Variants in STARD6 observed in about 807,000 individuals in gnomAD.
The protein encoded by STARD6 is StAR related lipid transfer domain containing 6.
In STARD6, 21 loss-of-function variants were observed where a neutral mutation model predicts 22.3. The ratio of observed to expected loss-of-function variants is 0.94; its 90% confidence interval spans 0.67 to 1.35. The LOEUF is 1.35. STARD6 is among the 40% of genes most tolerant of loss of function. STARD6 has a pLI of 0.00. For synonymous variants in STARD6, 80 were observed against 88.1 expected (o/e 0.91, Z 0.52); for missense variants, 269 against 266.9 (o/e 1.01, Z -0.05).
Position 54,326,629 on chromosome 18 carries a change from G to C in STARD6, c.480-1754C>G, listed in dbSNP as rs868692798. Among the ~76,000 whole-genome samples, 7 of 151,244 alleles carry C rather than the reference G, an allele frequency of 4.6e-5. No individual in the cohort carries two copies. In the East Asian group the frequency reaches 1.4e-3, roughly 29 times the overall value. On this transcript the variant is annotated intron_variant, in intron 7 of 7. Transcript: ENST00000307844. The stretch of plus-strand genomic sequence containing the variant: ...TTACAGGTGTGAGCCACTGTGCTTG[G>C]CCAGGTCTTTTTTTAATGATAAACA...
At chr18:54,351,106 T>C (rs551325646) in intron 4 of STARD6, among the ~76,000 whole-genome samples, 4 of 152,324 alleles carry the variant, frequency 2.6e-5, no homozygotes, top group African/African-American at 7.2e-5. Flanking sequence ...ATTCTACTCA[T>C]CCATGAGCAT....
rs553179207 is a variant in STARD6 at position 54,343,343 on chromosome 18, G to A, written c.141-6092C>T. 2.8e-3 allele frequency among the ~76,000 whole-genome samples: 399 copies of A among 142,554 alleles called. 6 individuals are homozygous for A. The highest frequency in any genetic ancestry group is 4.5e-3 in the Non-Finnish European group (291 of 64,606). The allele number at this position is 142,554 out of a possible 152,430, so 93.5% of individuals were successfully genotyped here. Reference sequence around the variant, plus strand: ...TGGGAAGTGAGGAGCATCTCCGCCCGGCAGCCACCCCGTCCGGGAGGGAGG... The same window carrying A: ...TGGGAAGTGAGGAGCATCTCCGCCCAGCAGCCACCCCGTCCGGGAGGGAGG... On this transcript the variant is annotated intron_variant, in intron 4 of 7. Coordinates refer to ENST00000307844, the MANE Select transcript of STARD6 (RefSeq NM_139171.2).
intron 5 of STARD6, among the ~76,000 whole-genome samples, chr18:54,335,485 C>T (rs557414677): frequency 5.9e-5 from 9 of 152,204 alleles, no homozygotes; most frequent in African/African-American, 1.2e-4. Flanking sequence ...TGAGCCACCG[C>T]GCTCAGCCCC....
rs1233035749 is a variant in STARD6 at position 54,329,447 on chromosome 18, G to A, written c.386-7C>T. The A allele has an allele frequency of 6.3e-7, 1 of 1,580,750 alleles. No individual in the cohort carries two copies. Among genetic ancestry groups the A allele is most frequent in the Non-Finnish European group, 8.6e-7 (1 of 1,168,424 alleles). Reference sequence around the variant, plus strand: ...GGAAAATCCACACTTTTAGCTAAGAGATTTTAAAAAATTAAAATGAAACCT... The same window carrying A: ...GGAAAATCCACACTTTTAGCTAAGAAATTTTAAAAAATTAAAATGAAACCT... On this transcript the variant is annotated splice_region_variant and splice_polypyrimidine_tract_variant and intron_variant, in intron 6 of 7. Transcript: ENST00000307844.
chr18:54,357,593 C>T (rs1259912085), intron 1 of STARD6, among the ~76,000 whole-genome samples, 199 bp downstream of exon 1: 1 of 152,194 alleles, frequency 6.6e-6, no homozygotes, highest in Non-Finnish European at 1.5e-5. Context: ...GGAACGACAG[C>T]CGCCAGCGCC....
intron 4 of STARD6, among the ~76,000 whole-genome samples, chr18:54,343,372 G>T (rs2088997901): frequency 6.9e-6 from 1 of 145,350 alleles, no homozygotes; most frequent in Non-Finnish European, 1.5e-5. Context: ...AGGGAGGTGG[G>T]GGGTCAGCCC....
rs1304056845 is a variant in STARD6 at position 54,329,396 on chromosome 18, T to C, written c.430A>G (p.Ile144Val). ...CCACAAGGATGGTTATAACCGCGGA[T>C]ATAATTTGAAGATGGAGGATATTCT... ...FPEYPPSSNY[I>V]RGYNHPCGFV... is the part of the protein sequence containing the mutation. Residue 144 changes from isoleucine to valine, a missense_variant, in exon 7 of 8, where the codon ATC (isoleucine) becomes GTC (valine). By Grantham distance (29) the Ile-to-Val change is conservative. Coordinates refer to ENST00000307844, the MANE Select transcript of STARD6 (RefSeq NM_139171.2). The C allele has an allele frequency of 6.2e-7, 1 of 1,605,378 alleles. No individual in the cohort carries two copies. The highest frequency in any genetic ancestry group is 1.1e-5 in the South Asian group (1 of 89,402).
chr18:54,345,289 A>G (rs1472343462), intron 4 of STARD6, among the ~76,000 whole-genome samples: 1 of 152,180 alleles, frequency 6.6e-6, no homozygotes, highest in East Asian at 1.9e-4. Flanking sequence ...CAATAACATC[A>G]AAAAGAATAA....
At chr18:54,342,322 T>G (rs1375430795) in intron 4 of STARD6, among the ~76,000 whole-genome samples, 2 of 152,154 alleles carry the variant, frequency 1.3e-5, no homozygotes, top group Non-Finnish European at 2.9e-5. Flanking sequence ...TTTACATAAA[T>G]CCTCCACAAA....
At chr18:54,337,302 G>A in intron 4 of STARD6, 51 bp from the exon 5 acceptor site, 2 of 1,556,090 alleles carry the variant, frequency 1.3e-6, no homozygotes, top group Non-Finnish European at 1.7e-6. Context: ...TTTAGTCTAA[G>A]CTGAAAATAT....
Position 54,337,259 on chromosome 18 carries a change from T to A in STARD6, c.141-8A>T. ...ATCCCTTCAACACGATATCTACAGTTAACAAAATAAAGAAAATTCAAAGCT... is the reference window on the plus strand; with the variant it reads ...ATCCCTTCAACACGATATCTACAGTAAACAAAATAAAGAAAATTCAAAGCT... On this transcript the variant is annotated splice_polypyrimidine_tract_variant and splice_region_variant and intron_variant, in intron 4 of 7. Transcript: ENST00000307844. 6.2e-7 allele frequency: 1 copy of A among 1,604,624 alleles called. No individual in the cohort carries two copies. Among genetic ancestry groups the A allele is most frequent in the Non-Finnish European group, 8.5e-7 (1 of 1,176,830 alleles).
At chr18:54,341,161 G>A (rs1021644926) in intron 4 of STARD6, among the ~76,000 whole-genome samples, 16 of 151,998 alleles carry the variant, frequency 1.1e-4, no homozygotes, top group African/African-American at 3.9e-4. Context: ...CAGGGTTCAC[G>A]CCATTCTCCT....
rs189950975 is a variant in STARD6, at chr18:54,333,491, A to G, written c.268-1632T>C. Among the ~76,000 whole-genome samples the G allele has an allele frequency of 8.6e-3, 1,304 of 152,362 alleles. 55 individuals are homozygous for G. Among genetic ancestry groups the G allele is most frequent in the Admixed American group, 0.079 (1,212 of 15,302 alleles). ...GAAGTGCTAATCAAACTGTATGATT[A>G]GTATCATACAAAGATGAATGAAATA... On this transcript the variant is annotated intron_variant, in intron 5 of 7. Coordinates refer to ENST00000307844, the MANE Select transcript of STARD6 (RefSeq NM_139171.2).
chr18:54,357,207 C>T (rs1032301398), intron 1 of STARD6: 1 of 152,210 alleles, frequency 6.6e-6, no homozygotes, highest in African/African-American at 2.4e-5. Flanking sequence ...TGGATTCCTT[C>T]CAGACTTACA....
chr18:54,336,998 A>G (rs1306684005), intron 5 of STARD6, 127 bp downstream of exon 5: 7 of 843,900 alleles, frequency 8.3e-6, no homozygotes, highest in East Asian at 5.5e-5. Context: ...AAGCTTTTAT[A>G]AAGACTTCAA....
chr18:54,336,974 G>A (rs1215891627), intron 5 of STARD6, 151 bp downstream of exon 5: 4 of 593,856 alleles, frequency 6.7e-6, no homozygotes, highest in Middle Eastern at 4.9e-4. Context: ...CTGTTGGAAA[G>A]TAGGGAAGTT....
chr18:54,326,157 A>T (rs2088822649), intron 7 of STARD6, among the ~76,000 whole-genome samples: 1 of 152,152 alleles, frequency 6.6e-6, no homozygotes, highest in African/African-American at 2.4e-5. Flanking sequence ...CATACCTGTT[A>T]TCCACACTAA....
intron 4 of STARD6, among the ~76,000 whole-genome samples, chr18:54,346,476 C>T (rs1025680086): frequency 7.9e-5 from 12 of 151,798 alleles, no homozygotes; most frequent in African/African-American, 1.9e-4. Context: ...TAAAACGGTG[C>T]GGCCAGTCTC....
chr18:54,347,293 C>A (rs1478277229), intron 4 of STARD6, among the ~76,000 whole-genome samples: 2 of 151,944 alleles, frequency 1.3e-5, no homozygotes, highest in African/African-American at 4.8e-5. Context: ...TAGTCTTTAG[C>A]AATTATTTTG....
Sources: allele counts gnomAD v4.1 joint callset (sites outside exome capture counted in the v4.1 genomes callset), GRCh38; gene constraint gnomAD v4.1.1; transcripts MANE v1.5; gene names NCBI Gene and HGNC (gene_info 2026-07-23, HGNC 2026-07-21).